The following ARHGAP21 variants were observed in gnomAD, a reference collection of about 807,000 sequenced individuals.
ARHGAP21 encodes Rho GTPase activating protein 21.
Under a neutral mutation model 164.6 loss-of-function variants are expected in ARHGAP21, and 38 were observed. The ratio of observed to expected loss-of-function variants is 0.23; its 90% CI spans 0.18 to 0.30. The LOEUF (loss-of-function observed/expected upper bound fraction) is 0.30, where lower values mean the gene tolerates loss of function less well. ARHGAP21 is among the 10% of genes least tolerant of loss of function. The pLI is 1.00. For synonymous variants in ARHGAP21, 766 were observed against 857.9 expected (o/e 0.89, Z 1.87); for missense variants, 1,822 against 2,370.7 (o/e 0.77, Z 4.81).
chr10:24,689,899 T>C (rs1842579516), intron 2 of ARHGAP21, among the ~76,000 whole-genome samples: 1 of 41,760 alleles, frequency 2.4e-5, no homozygotes, highest in Non-Finnish European at 5.5e-5. Flanking sequence ...TATGTATGTG[T>C]ATATATACAT....
chr10:24,670,181 G>A (rs1840570288), intron 3 of ARHGAP21, 37 bp downstream of exon 3: 1 of 1,468,026 alleles, frequency 6.8e-7, no homozygotes, highest in Non-Finnish European at 9.2e-7. Context: ...ATGGCCTTGT[G>A]GTTTTTTTTT....
In ARHGAP21 at chr10:24,585,104, A is replaced by C. The variant is rs370977656; in HGVS notation, c.5185T>G (p.Ser1729Ala). The C allele has an allele frequency of 2.5e-6, 4 of 1,613,524 alleles. No individual in the cohort carries two copies. The African/African-American group carries it at 5.3e-5, about 22-fold the overall frequency. Reference protein sequence around the residue: ...GDAKNEKEAPSLTKVFDVMKK... With the variant: ...GDAKNEKEAPALTKVFDVMKK... The stretch of plus-strand genomic sequence containing the variant: ...ATAACATCAAACACTTTAGTTAACG[A>C]AGGTGCTTCTTTCTCATTCTTGGCA... Residue 1729 changes from serine to alanine, a missense_variant, in exon 26 of 26, where the codon TCG (serine) becomes GCG (alanine). Transcript: ENST00000396432.
intron 2 of ARHGAP21, among the ~76,000 whole-genome samples, chr10:24,690,743 G>A (rs528801328): frequency 6.6e-6 from 1 of 151,740 alleles, no homozygotes; most frequent in Admixed American, 6.6e-5. Flanking sequence ...CAAAAGAATC[G>A]CTTGAACCCA....
chr10:24,690,245 A>G (rs1310277321), intron 2 of ARHGAP21, among the ~76,000 whole-genome samples: 1 of 152,168 alleles, frequency 6.6e-6, no homozygotes, highest in Non-Finnish European at 1.5e-5. Context: ...ACATTAGGAT[A>G]AATTCCTAAG....
chr10:24,662,558 C>T (rs1481106633), intron 4 of ARHGAP21, among the ~76,000 whole-genome samples: 1 of 152,162 alleles, frequency 6.6e-6, no homozygotes, highest in African/African-American at 2.4e-5. Context: ...GCGCTAATTT[C>T]CACCACTCTC....
chr10:24,624,389 G>T (rs1834883017), intron 7 of ARHGAP21, among the ~76,000 whole-genome samples: 1 of 125,338 alleles, frequency 8.0e-6, no homozygotes, highest in Admixed American at 1.0e-4. Context: ...GCCCAGGCTG[G>T]AGTGCAGTGG....
At chr10:24,673,422 C>T (rs957688033) in intron 2 of ARHGAP21, among the ~76,000 whole-genome samples, 4 of 152,190 alleles carry the variant, frequency 2.6e-5, no homozygotes, top group Non-Finnish European at 4.4e-5. Flanking sequence ...CCAAAAGAAA[C>T]ATGAACCCAT....
intron 4 of ARHGAP21, among the ~76,000 whole-genome samples, chr10:24,657,125 G>A: frequency 2.7e-5 from 1 of 37,618 alleles, no homozygotes; most frequent in Non-Finnish European, 5.5e-5. Flanking sequence ...AGGTGGGGGG[G>A]GTCAGCCCCC....
Position 24,613,694 on chromosome 10 carries a change from T to C in ARHGAP21, c.2422+5779A>G, listed in dbSNP as rs147461752. ...GACGATGAGGGAGTGGAGTTGTAAA[T>C]CCAAGAGGAACTACTGTGAAGTAGG... On this transcript the variant is annotated intron_variant, in intron 9 of 25. Coordinates refer to ENST00000396432, the MANE Select transcript of ARHGAP21 (RefSeq NM_020824.4). 6.8e-3 allele frequency among the ~76,000 whole-genome samples: 1,031 copies of C among 152,208 alleles called. 7 individuals are homozygous for C. The highest frequency in any genetic ancestry group is 0.011 in the Admixed American group (174 of 15,286).
chr10:24,599,500 T>C (rs953490182), intron 14 of ARHGAP21, among the ~76,000 whole-genome samples: 4 of 152,224 alleles, frequency 2.6e-5, no homozygotes, highest in African/African-American at 9.6e-5. Context: ...AACGTTTTAA[T>C]ACTTTGAATT....
chr10:24,700,642 T>C (rs1843588465), intron 2 of ARHGAP21, among the ~76,000 whole-genome samples: 1 of 152,226 alleles, frequency 6.6e-6, no homozygotes, highest in Non-Finnish European at 1.5e-5. Context: ...AGAAGTACCA[T>C]TTAGCCACTT....
rs1834343401 is a variant in ARHGAP21, at chr10:24,619,601, G to C, written c.2294C>G (p.Thr765Ser). The change falls in exon 9 of 26, where the codon ACC becomes AGC. Residue 765 changes from threonine (T) to serine (S), a missense_variant. By Grantham distance (58) the Thr-to-Ser change is moderately conservative (BLOSUM62 1). Around this residue, in one of 5 missense-constraint regions of ARHGAP21, gnomAD observed 1,090 missense variants for 1,378.9 expected, o/e 0.79. Coordinates refer to ENST00000396432, the MANE Select transcript of ARHGAP21 (RefSeq NM_020824.4). ...CAGCCAGCAGGTAGTGTCTGACCCG[G>C]TCTCCTGGTCATTTACTGCCAAGAT... ...SYILAVNDQE[T>S]GSDTTCWLPN... The C allele has an allele frequency of 6.2e-7, 1 of 1,614,134 alleles. No individual in the cohort carries two copies. Among genetic ancestry groups the C allele is most frequent in the African/African-American group, 1.3e-5 (1 of 75,028 alleles).
At chr10:24,664,543 A>C (rs1840002581) in intron 4 of ARHGAP21, among the ~76,000 whole-genome samples, 1 of 150,726 alleles carries the variant, frequency 6.6e-6, no homozygotes, top group Non-Finnish European at 1.5e-5. Context: ...CAACAGAGTG[A>C]GATTCCGTCT....
intron 11 of ARHGAP21, chr10:24,605,708 C>T (rs1343783250): frequency 6.6e-6 from 1 of 151,998 alleles, no homozygotes; most frequent in Non-Finnish European, 1.5e-5. Flanking sequence ...GAGTACTCCC[C>T]AAGTTAATTT....
At chr10:24,681,631 G>A (rs939789832) in intron 2 of ARHGAP21, among the ~76,000 whole-genome samples, 1 of 151,564 alleles carries the variant, frequency 6.6e-6, no homozygotes, top group Non-Finnish European at 1.5e-5. Flanking sequence ...CTCTTGGAAA[G>A]CATTTTGTCT....
chr10:24,684,483 G>A (rs142490584), intron 2 of ARHGAP21, among the ~76,000 whole-genome samples: 144 of 152,196 alleles, frequency 9.5e-4, no homozygotes, highest in Admixed American at 5.0e-3. Flanking sequence ...AGAGAAATGC[G>A]TACTTCAAGC....
intron 2 of ARHGAP21, among the ~76,000 whole-genome samples, chr10:24,711,785 A>G (rs1278802923): frequency 6.6e-6 from 1 of 152,218 alleles, no homozygotes; most frequent in East Asian, 1.9e-4. Context: ...AAAGAGAAAC[A>G]TCTGAGCATG....
At chr10:24,595,434 T>C (rs553413004) in intron 19 of ARHGAP21, among the ~76,000 whole-genome samples, 1 of 152,330 alleles carries the variant, frequency 6.6e-6, no homozygotes, top group African/African-American at 2.4e-5. Flanking sequence ...AATACTTGGC[T>C]TGACTGAAAA....
At chr10:24,713,874 T>C (rs536970266) in intron 2 of ARHGAP21, among the ~76,000 whole-genome samples, 3 of 152,314 alleles carry the variant, frequency 2.0e-5, no homozygotes, top group Admixed American at 6.5e-5. Flanking sequence ...GTGAAATAAT[T>C]TGCACAATAC....
Sources: gnomAD v4.1 joint callset for allele counts (sites outside exome capture counted in the v4.1 genomes callset) on GRCh38, gnomAD v4.1.1 for gene constraint, gnomAD v4.1.1 regional missense constraint, MANE v1.5 for transcripts, NCBI Gene and HGNC (gene_info 2026-07-23, HGNC 2026-07-21) for gene names.